Variants in IRAG1 observed in about 807,000 individuals in gnomAD.
IRAG1 encodes the protein IP3R-associated cGMP kinase substrate.
IRAG1 carries 62 observed loss-of-function variants against 106.2 expected under a neutral mutation model. The observed-to-expected ratio is 0.58, with a 90% CI of 0.48 to 0.72. The LOEUF is 0.72. IRAG1 is among the 30% of genes least tolerant of loss of function. IRAG1 has a pLI of 0.00. For missense variants in IRAG1, 1,064 were observed against 1,140.7 expected (o/e 0.93, Z 0.97); for synonymous variants, 462 against 443.9 (o/e 1.04, Z -0.51).
At chr11:10,578,843 A>ACT (rs3075191) in intron 20 of IRAG1, among the ~76,000 whole-genome samples, 12 of 151,430 alleles carry the variant, frequency 7.9e-5, no homozygotes, top group African/African-American at 1.9e-4. Context: ...TATTCCATGT[A>ACT]CTCTCTCTCT....
chr11:10,602,703 C>T (rs780907553), intron 14 of IRAG1, among the ~76,000 whole-genome samples: 1 of 152,210 alleles, frequency 6.6e-6, no homozygotes, highest in Non-Finnish European at 1.5e-5. Context: ...TTGTCAAATA[C>T]TAGCTCCATG....
Position 10,626,450 on chromosome 11 carries a change from G to T in IRAG1, c.884C>A (p.Pro295His). 6.2e-7 allele frequency: 1 copy of T among 1,613,762 alleles called. No individual in the cohort carries two copies. Among genetic ancestry groups the T allele is most frequent in the Non-Finnish European group, 8.5e-7 (1 of 1,179,802 alleles). Reference protein sequence around the residue: ...IAIEQKENFDPLQYPETTPKG... With the variant: ...IAIEQKENFDHLQYPETTPKG... ...GGGTGTGGTCTCGGGGTACTGGAGGGGATCGAAGTTTTCCTTTTGTTCTAT... is the reference window on the plus strand; with the variant it reads ...GGGTGTGGTCTCGGGGTACTGGAGGTGATCGAAGTTTTCCTTTTGTTCTAT... The change falls in exon 9 of 21, where the codon CCC (proline) becomes CAC (histidine). Residue 295 changes from proline to histidine, a missense_variant. Pro to His is a moderately conservative substitution (Grantham distance 77). Transcript: ENST00000423302.
Position 10,576,116 on chromosome 11 carries a change from G to T in IRAG1, c.*216C>A, listed in dbSNP as rs993896375. ...GGTGAAGGTGACTTCTTCATCCACT[G>T]GATGCTTTCCCAGGGCAGTTTTGTT... is the stretch of plus-strand genomic sequence containing the variant. On this transcript the variant is annotated 3_prime_UTR_variant, in exon 21 of 21. Coordinates refer to ENST00000423302, the MANE Select transcript of IRAG1 (RefSeq NM_130385.4). 3.0e-5 allele frequency: 18 copies of T among 591,910 alleles called. No homozygotes were observed. The highest frequency in any genetic ancestry group is 5.3e-5 in the Non-Finnish European group (18 of 340,568). 36.7% of individuals were successfully genotyped at this position (591,910 alleles called of 1,614,324 possible).
chr11:10,623,965 G>C, intron 9 of IRAG1, 109 bp from the exon 10 acceptor site: 1 of 1,000,448 alleles, frequency 1.0e-6, no homozygotes. Flanking sequence ...GGGAAAGCGG[G>C]GCAGCCTGAG....
intron 2 of IRAG1, among the ~76,000 whole-genome samples, chr11:10,644,329 C>T (rs1051734007): frequency 9.9e-5 from 15 of 152,254 alleles, no homozygotes; most frequent in Admixed American, 2.6e-4. Flanking sequence ...ACCAGGTGCC[C>T]AGTAGTTGCT....
At chr11:10,592,864 C>T (rs966592167) in intron 17 of IRAG1, among the ~76,000 whole-genome samples, 3 of 152,168 alleles carry the variant, frequency 2.0e-5, no homozygotes, top group African/African-American at 7.2e-5. Flanking sequence ...CACACAGAAA[C>T]ACACTCTTTT....
Position 10,627,723 on chromosome 11 carries a change from C to A in IRAG1, c.743G>T (p.Gly248Val), listed in dbSNP as rs1176097830. 6.2e-7 allele frequency: 1 copy of A among 1,613,964 alleles called. No individual in the cohort carries two copies. Among genetic ancestry groups the A allele is most frequent in the African/African-American group, 1.3e-5 (1 of 75,060 alleles). The change falls in exon 8 of 21, where the codon GGC becomes GTC. Residue 248 changes from glycine (G) to valine (V), a missense_variant. Gly to Val is a moderately radical substitution (Grantham distance 109). Coordinates refer to ENST00000423302, the MANE Select transcript of IRAG1 (RefSeq NM_130385.4). The stretch of plus-strand genomic sequence containing the variant: ...AGCAAAGCTCAAACTCACAGGCTCG[C>A]CAGGGTGAGGTGAAGAGACGTCGGC... The part of the protein sequence containing the change: ...DEADVSSPHP[G>V]EPNVPKGLAD...
chr11:10,632,540 C>T (rs575720518), intron 3 of IRAG1, among the ~76,000 whole-genome samples: 9 of 152,226 alleles, frequency 5.9e-5, no homozygotes, highest in East Asian at 3.9e-4. Flanking sequence ...ACAAGCTTCT[C>T]GAGGGTTTCT....
intron 18 of IRAG1, among the ~76,000 whole-genome samples, chr11:10,590,584 G>T (rs1202373577): frequency 7.0e-6 from 1 of 142,982 alleles, no homozygotes; most frequent in East Asian, 1.9e-4. Context: ...TAAGGTATAT[G>T]TTTTACCAAG....
At chr11:10,680,516 A>AAAGGAAGAAAGGAAGG (rs1481555214) in intron 1 of IRAG1, among the ~76,000 whole-genome samples, 4 of 133,416 alleles carry the variant, frequency 3.0e-5, no homozygotes, top group East Asian at 2.1e-4. Flanking sequence ...AGGGAAAAAG[A>AAAGGAAGAAAGGAAGG]AAGGAAGAAA....
chr11:10,661,892 C>T (rs369594552), intron 1 of IRAG1, among the ~76,000 whole-genome samples: 81 of 152,262 alleles, frequency 5.3e-4, no homozygotes, highest in South Asian at 3.1e-3. Flanking sequence ...CAGCCTACTG[C>T]CCTATCCTCC....
At chr11:10,637,573 G>C (rs1256738934) in intron 2 of IRAG1, among the ~76,000 whole-genome samples, 3 of 152,112 alleles carry the variant, frequency 2.0e-5, no homozygotes, top group Admixed American at 1.3e-4. Flanking sequence ...AAGAAATGAC[G>C]AATGTGTATG....
chr11:10,601,103 A>G, intron 14 of IRAG1, 44 bp from the exon 15 acceptor site: 2 of 1,609,524 alleles, frequency 1.2e-6, no homozygotes, highest in Non-Finnish European at 1.7e-6. Flanking sequence ...ATTGGAGGAA[A>G]GGCTCCGTTG....
chr11:10,628,587 A>G lies in IRAG1; in HGVS notation c.652+164T>C, dbSNP rs2278124. 0.35 allele frequency among the ~76,000 whole-genome samples: 53,842 copies of G among 151,758 alleles called. 11,476 individuals are homozygous for G. Among genetic ancestry groups the G allele is most frequent in the East Asian group, 0.72 (3,702 of 5,144 alleles). ...TCTATCTGCCTCCTCTGGGTGGCCC[A>G]GCAAATGCCCCCCCTGGAGAGGGGT... On this transcript the variant is annotated intron_variant, in intron 6 of 20. Transcript: ENST00000423302. The surrounding 1 kb of genome is among the most constrained non-coding windows in gnomAD (Gnocchi z 4.1).
intron 2 of IRAG1, among the ~76,000 whole-genome samples, chr11:10,639,472 G>A (rs964497868): frequency 3.3e-5 from 5 of 152,172 alleles, no homozygotes; most frequent in Non-Finnish European, 7.3e-5. Context: ...CTCTGAGAAG[G>A]CTCGCCTTAC....
chr11:10,603,075 G>T (rs374223766), intron 14 of IRAG1, 45 bp downstream of exon 14: 6 of 1,584,062 alleles, frequency 3.8e-6, no homozygotes, highest in Non-Finnish European at 3.4e-6. Context: ...TCTACTTTAC[G>T]TAGGTGGAAC....
intron 1 of IRAG1, among the ~76,000 whole-genome samples, chr11:10,667,557 A>G (rs1859882914): frequency 6.6e-6 from 1 of 152,138 alleles, no homozygotes; most frequent in African/African-American, 2.4e-5. Flanking sequence ...CTGCAGCCCT[A>G]TTCATTCTAC....
chr11:10,576,078 A>G lies in IRAG1; in HGVS notation c.*254T>C, dbSNP rs775991005. 8 of 497,228 alleles carry G rather than the reference A, an allele frequency of 1.6e-5. No individual in the cohort carries two copies. Among genetic ancestry groups the G allele is most frequent in the Non-Finnish European group, 2.9e-5 (8 of 274,442 alleles). 30.8% of individuals were successfully genotyped at this position (497,228 alleles called of 1,614,324 possible). A position where few individuals can be genotyped will look rare whatever the true frequency, so the allele number is the denominator to read the frequency against. On this transcript the variant is annotated 3_prime_UTR_variant, in exon 21 of 21. Transcript: ENST00000423302. ...CTAGGGGCAGGAGACCTTCCCTTCC[A>G]ATAGAGTTCCTTGGTGAAGGTGACT... is the stretch of plus-strand genomic sequence containing the variant.
rs1452272995 is a variant in IRAG1, at chr11:10,626,269, C to A, written c.1065G>T (p.Val355=). 1.2e-6 allele frequency: 2 copies of A among 1,610,340 alleles called. No individual in the cohort carries two copies. Among genetic ancestry groups the A allele is most frequent in the Admixed American group, 3.3e-5 (2 of 59,726 alleles). The change falls in exon 9 of 21, where the codon GTG becomes GTT. Residue 355 remains valine, a synonymous_variant. Transcript: ENST00000423302. The part of the protein sequence containing the change: ...PRSPTQDAAG[V]GPPASQGRGP... ...CTCTCCCCTGGGAGGCTGGGGGACC[C>A]ACTCCTGCCGCATCCTGGGTTGGAC... is the stretch of plus-strand genomic sequence containing the variant.
Sources: allele counts gnomAD v4.1 joint callset (sites outside exome capture counted in the v4.1 genomes callset), GRCh38; gene constraint gnomAD v4.1.1; non-coding constraint Gnocchi (gnomAD v3.1); transcripts MANE v1.5; gene names NCBI Gene and HGNC (gene_info 2026-07-23, HGNC 2026-07-21).